ANKRD17: variants seen among roughly 807,000 people sequenced by gnomAD.
ANKRD17 encodes the protein ankyrin repeat domain 17, also known as ankyrin repeat domain-containing protein 17.
Under a neutral mutation model 229.7 loss-of-function variants are expected in ANKRD17, and 19 were observed. The ratio of observed to expected loss-of-function variants is 0.08; its 90% CI spans 0.06 to 0.12. The LOEUF (loss-of-function observed/expected upper bound fraction) is 0.12. Among genes scored for constraint, ANKRD17 ranks in the 10% least tolerant of loss-of-function variants. The pLI, the probability that ANKRD17 is intolerant of heterozygous loss-of-function variation, is 1.00. For missense variants in ANKRD17, 2,176 were observed against 3,176.8 expected (o/e 0.68, Z 7.57); for synonymous variants, 1,112 against 1,146.1 (o/e 0.97, Z 0.60).
chr4:73,131,094 T>C (rs1490556795), intron 16 of ANKRD17, among the ~76,000 whole-genome samples: 1 of 152,174 alleles, frequency 6.6e-6, no homozygotes, highest in African/African-American at 2.4e-5. Context: ...CAAACTATTA[T>C]TTATTGGTTT....
chr4:73,149,040 A>T lies in ANKRD17; in HGVS notation c.1340T>A (p.Val447Asp). ...ALMEACMDGHVEVARLLLDSG... is the reference protein window; with the variant it reads ...ALMEACMDGHDEVARLLLDSG... ...GTCAAGAAGTAACCTAGCTACTTCA[A>T]CATGGCCATCCTAATGATAATACAA... is the stretch of plus-strand genomic sequence containing the variant. The change falls in exon 8 of 34, where the codon GTT becomes GAT. Residue 447 changes from valine (V) to aspartate (D), a missense_variant. Transcript: ENST00000358602. 6.2e-7 allele frequency: 1 copy of T among 1,612,118 alleles called. No homozygotes were observed. The highest frequency in any genetic ancestry group is 8.5e-7 in the Non-Finnish European group (1 of 1,178,814).
At chr4:73,177,683 A>G (rs1734921002) in intron 1 of ANKRD17, 150 bp from the exon 2 acceptor site, 2 of 585,616 alleles carry the variant, frequency 3.4e-6, no homozygotes, top group African/African-American at 1.9e-5. Flanking sequence ...AAAGTTCAAC[A>G]TGACATCTAA....
At chr4:73,222,918 A>G in intron 1 of ANKRD17, 1 of 1,346,746 alleles carries the variant, frequency 7.4e-7, no homozygotes, top group Non-Finnish European at 1.0e-6. Flanking sequence ...ATTCCGGCAG[A>G]TAAGATTTCT....
At chr4:73,169,394 G>A (rs571692771) in intron 2 of ANKRD17, among the ~76,000 whole-genome samples, 66 of 152,146 alleles carry the variant, frequency 4.3e-4, no homozygotes, top group African/African-American at 1.4e-3. Flanking sequence ...GATTTCTAAG[G>A]TTTTTGACCT....
At chr4:73,196,439 A>G (rs757516765) in intron 1 of ANKRD17, among the ~76,000 whole-genome samples, 13 of 152,070 alleles carry the variant, frequency 8.5e-5, no homozygotes, top group Non-Finnish European at 1.6e-4. Context: ...TTCTTTTCTG[A>G]CCTAAGCTTT....
intron 24 of ANKRD17, chr4:73,112,754 T>C: frequency 1.3e-6 from 1 of 785,306 alleles, no homozygotes; most frequent in Non-Finnish European, 1.5e-6. Context: ...AAATAGTAGA[T>C]GTTAAATTTT....
chr4:73,105,800 G>A (rs1227732231), intron 24 of ANKRD17, among the ~76,000 whole-genome samples: 1 of 152,116 alleles, frequency 6.6e-6, no homozygotes, highest in Non-Finnish European at 1.5e-5. Context: ...TTGAGAAAAA[G>A]TTCCATTAGG....
chr4:73,155,579 A>G lies in ANKRD17; in HGVS notation c.1000+52T>C, dbSNP rs375839715. 3.8e-5 allele frequency: 61 copies of G among 1,595,044 alleles called. No individual in the cohort carries two copies. The African/African-American group carries it at 7.6e-4, about 20-fold the overall frequency. ...AACATCACTTTCATGCAAAATCATT[A>G]TTACCAAATGATGTTACTATGTAGT... On this transcript the variant is annotated intron_variant, in intron 5 of 33. Coordinates refer to ENST00000358602, the MANE Select transcript of ANKRD17 (RefSeq NM_032217.5).
rs982858202 is a variant in ANKRD17 at position 73,218,456 on chromosome 4, A to G, written c.393+39820T>C. Among the ~76,000 whole-genome samples, 21 of 152,130 alleles carry G rather than the reference A, an allele frequency of 1.4e-4. 1 individual carries two copies. Among genetic ancestry groups the G allele is most frequent in the African/African-American group, 5.1e-4 (21 of 41,420 alleles). On this transcript the variant is annotated intron_variant, in intron 1 of 33. Coordinates refer to ENST00000358602, the MANE Select transcript of ANKRD17 (RefSeq NM_032217.5). The stretch of plus-strand genomic sequence containing the variant: ...TCAGGAGTTAGTGACCAGCCTGGCC[A>G]ACATGGAGAAACCCCATCTCTACTA...
chr4:73,213,181 T>C (rs1382149094), intron 1 of ANKRD17, among the ~76,000 whole-genome samples: 1 of 152,066 alleles, frequency 6.6e-6, no homozygotes, highest in Non-Finnish European at 1.5e-5. Flanking sequence ...TGACAGTGCA[T>C]AAATTACAAA....
chr4:73,155,734 T>C lies in ANKRD17; in HGVS notation c.897A>G (p.Lys299=). 6.2e-7 allele frequency: 1 copy of C among 1,614,152 alleles called. No individual in the cohort carries two copies. The highest frequency in any genetic ancestry group is 1.1e-5 in the South Asian group (1 of 91,076). The change falls in exon 5 of 34, where the codon AAA becomes AAG. Residue 299 remains lysine (K), a synonymous_variant. Coordinates refer to ENST00000358602, the MANE Select transcript of ANKRD17 (RefSeq NM_032217.5). ...CAGCCATTAAAGGTGTAATGTCACC[T>C]TTGATTCCCCTATCTTCCACATTTG... The part of the protein sequence containing the change: ...MHANVEDRGI[K]GDITPLMAAA...
At chr4:73,141,672 T>C (rs1729625400) in intron 14 of ANKRD17, 69 bp downstream of exon 14, 4 of 1,415,452 alleles carry the variant, frequency 2.8e-6, no homozygotes, top group East Asian at 2.3e-5. Context: ...TGTAGAAATG[T>C]CTATTTTTTG....
chr4:73,132,463 A>C (rs1728343973), intron 16 of ANKRD17, among the ~76,000 whole-genome samples: 1 of 152,178 alleles, frequency 6.6e-6, no homozygotes, highest in African/African-American at 2.4e-5. Context: ...AAAATGGTGA[A>C]CAATTATTTT....
chr4:73,222,701 T>G (rs1742017461), intron 1 of ANKRD17, among the ~76,000 whole-genome samples: 1 of 152,082 alleles, frequency 6.6e-6, no homozygotes, highest in Non-Finnish European at 1.5e-5. Context: ...ACAAGGCTTT[T>G]TATTAAGCCT....
At chr4:73,118,592 C>T (rs866326755) in intron 22 of ANKRD17, 96 bp downstream of exon 22, 7 of 1,390,466 alleles carry the variant, frequency 5.0e-6, no homozygotes, top group Middle Eastern at 4.3e-4. Context: ...ATCACAGCTG[C>T]AAAAGCACAA....
At chr4:73,122,903 C>A (rs1265285951) in intron 18 of ANKRD17, among the ~76,000 whole-genome samples, 2 of 152,006 alleles carry the variant, frequency 1.3e-5, no homozygotes, top group Non-Finnish European at 2.9e-5. Flanking sequence ...TTTCAGAGAA[C>A]TCTTCTGCTC....
chr4:73,129,890 G>C (rs967965989), intron 16 of ANKRD17, among the ~76,000 whole-genome samples: 20 of 151,308 alleles, frequency 1.3e-4, no homozygotes, highest in African/African-American at 4.6e-4. Flanking sequence ...AGCCTCCCGA[G>C]TAGCTGGGAC....
intron 29 of ANKRD17, among the ~76,000 whole-genome samples, chr4:73,086,950 A>ATATATATATATATC (rs1395320739): frequency 2.1e-5 from 2 of 94,192 alleles, no homozygotes; most frequent in African/African-American, 8.3e-5. Flanking sequence ...ATATATATAT[A>ATATATATATATATC]TATCTGTAGG....
chr4:73,102,765 A>G, intron 24 of ANKRD17: 1 of 482,132 alleles, frequency 2.1e-6, no homozygotes, highest in South Asian at 3.2e-5. Flanking sequence ...TAATTTTAAA[A>G]TGGGTAAATA....
Sources: allele counts gnomAD v4.1 joint callset (sites outside exome capture counted in the v4.1 genomes callset), GRCh38; gene constraint gnomAD v4.1.1; transcripts MANE v1.5; gene names NCBI Gene and HGNC (gene_info 2026-07-23, HGNC 2026-07-21).